KCNA6: variants seen among roughly 807,000 people sequenced by gnomAD.
The protein encoded by KCNA6 is human brain potassium channel-2.
KCNA6 carries 17 observed loss-of-function variants against 29.5 expected under a neutral mutation model. The observed-to-expected ratio is 0.58, with a 90% CI of 0.39 to 0.86. The LOEUF (loss-of-function observed/expected upper bound fraction) is 0.86, where lower values mean the gene tolerates loss of function less well. Ranked by LOEUF, KCNA6 falls within the 40% of genes least tolerant of loss-of-function variation. The probability of loss-of-function intolerance (pLI) is 0.00; values close to 1 mark genes in which losing one functional copy is unlikely to be tolerated. For missense variants in KCNA6, 450 were observed against 703.4 expected, an observed-to-expected ratio of 0.64 and a Z score of 4.07; for synonymous variants, 296 against 304.7, an observed-to-expected ratio of 0.97 and a Z score of 0.30.
downstream of KCNA6, chr12:4,814,319 A>C (rs1014810856): frequency 1.8e-5 from 3 of 167,066 alleles, no homozygotes; most frequent in African/African-American, 7.2e-5. This position sits in a 1 kb window ranked among gnomAD's most constrained non-coding sequence, Gnocchi z 4.6. Flanking sequence ...GCTGGGCCTT[A>C]CCAGGTGTGA....
the KCNA6 span, among the ~76,000 whole-genome samples, chr12:4,833,132 C>T: frequency 5.9e-5 from 9 of 152,204 alleles, no homozygotes; most frequent in Admixed American, 2.6e-4. Flanking sequence ...CTTCAGGATT[C>T]GTAATGCATC....
chr12:4,841,531 A>G, the KCNA6 span, among the ~76,000 whole-genome samples: 4 of 152,228 alleles, frequency 2.6e-5, no homozygotes, highest in African/African-American at 4.8e-5. Flanking sequence ...TTGAATATGT[A>G]TTGAAGTGCA....
the KCNA6 span, among the ~76,000 whole-genome samples, chr12:4,827,717 C>T: frequency 6.6e-6 from 1 of 152,234 alleles, no homozygotes; most frequent in African/African-American, 2.4e-5. Context: ...AAGTGTCTAG[C>T]TCTGCCCTCA....
At position 4,810,746 on chromosome 12, in the gene KCNA6, T is replaced by A. The variant is rs1287359466; in HGVS notation, c.705T>A (p.His235Gln). 1.2e-6 allele frequency: 2 copies of A among 1,608,448 alleles called. No individual in the cohort carries two copies. The highest frequency in any genetic ancestry group is 1.7e-6 in the Non-Finnish European group (2 of 1,177,258). ...ATGAAGACGATTCCTACACATTTCA[T>A]CATGGCATCACCCCTGGGGAAATGG... The change falls in exon 1 of 1, where the codon CAT becomes CAA. Residue 235 changes from histidine to glutamine, a missense_variant. Coordinates refer to ENST00000280684, the Ensembl canonical transcript of KCNA6. This position sits in a 1 kb window ranked among gnomAD's most constrained non-coding sequence, Gnocchi z 7.5.
downstream of KCNA6, chr12:4,814,277 T>A (rs1172972054): frequency 1.2e-5 from 2 of 167,194 alleles, no homozygotes; most frequent in East Asian, 3.9e-4. This position sits in a 1 kb window ranked among gnomAD's most constrained non-coding sequence, Gnocchi z 4.6. Context: ...GGGGAGCCCT[T>A]AGAGGGGACA....
the KCNA6 span, among the ~76,000 whole-genome samples, chr12:4,828,840 T>C: frequency 1.3e-5 from 2 of 152,158 alleles, no homozygotes; most frequent in African/African-American, 4.8e-5. Context: ...AAATGAAGAA[T>C]CCCTGGGGTC....
At chr12:4,820,546 AACACACACAC>A in the KCNA6 span, among the ~76,000 whole-genome samples, 189 of 134,762 alleles carry the variant, frequency 1.4e-3, no homozygotes, top group Non-Finnish European at 2.0e-3. Flanking sequence ...GGATTACCTA[AACACACACAC>A]ACACACACAC....
chr12:4,817,772 A>G (rs1056630707), downstream of KCNA6, among the ~76,000 whole-genome samples: 5 of 152,030 alleles, frequency 3.3e-5, no homozygotes, highest in African/African-American at 1.2e-4. Context: ...TCCAACTCCA[A>G]CCTCATCATT....
the KCNA6 span, among the ~76,000 whole-genome samples, chr12:4,822,735 C>T: frequency 2.0e-5 from 3 of 152,320 alleles, no homozygotes; most frequent in Non-Finnish European, 2.9e-5. Context: ...ACTGAGTGGG[C>T]GTCAGAGTGG....
chr12:4,833,960 CCT>C, the KCNA6 span, among the ~76,000 whole-genome samples: 1 of 145,654 alleles, frequency 6.9e-6, no homozygotes, highest in Admixed American at 6.9e-5. Context: ...ACAGGGTCTT[CCT>C]CTGTCACCCA....
the KCNA6 span, among the ~76,000 whole-genome samples, chr12:4,847,355 T>C: frequency 6.6e-6 from 1 of 152,200 alleles, no homozygotes; most frequent in African/African-American, 2.4e-5. Flanking sequence ...AAAAACTATT[T>C]CTTTAATAAT....
At chr12:4,823,384 G>A in the KCNA6 span, among the ~76,000 whole-genome samples, 2 of 148,618 alleles carry the variant, frequency 1.3e-5, no homozygotes, top group Non-Finnish European at 3.0e-5. Flanking sequence ...GAAATGATGA[G>A]GATTGCTGAT....
the KCNA6 span, among the ~76,000 whole-genome samples, chr12:4,829,415 G>A: frequency 1.3e-5 from 2 of 152,122 alleles, no homozygotes; most frequent in African/African-American, 2.4e-5. Context: ...CTGGCATAAC[G>A]TGTCCACATT....
chr12:4,818,854 A>T, the KCNA6 span, among the ~76,000 whole-genome samples: 6 of 143,034 alleles, frequency 4.2e-5, no homozygotes, highest in Non-Finnish European at 9.5e-5. Flanking sequence ...ACACACACAC[A>T]CACACACACA....
chr12:4,811,557 C>G lies in KCNA6; in HGVS notation c.1516C>G (p.Arg506Gly). 1 of 1,614,228 alleles carries G rather than the reference C, an allele frequency of 6.2e-7. No individual in the cohort carries two copies. The highest frequency in any genetic ancestry group is 1.1e-5 in the South Asian group (1 of 91,084). Residue 506 changes from arginine to glycine, a missense_variant, in exon 1 of 1, where the codon CGG becomes GGG. Around this residue, in one of 7 missense-constraint regions of KCNA6, gnomAD observed 56 missense variants for 65.2 expected, o/e 0.86. Transcript: ENST00000280684. This position sits in a 1 kb window ranked among gnomAD's most constrained non-coding sequence, Gnocchi z 7.1. ...CAAGCCTGACTTCCCCGAGGCTAAC[C>G]GGGAACGGAGACCCAGCTACCTTCC...
At chr12:4,839,672 T>C in the KCNA6 span, among the ~76,000 whole-genome samples, 1 of 152,218 alleles carries the variant, frequency 6.6e-6, no homozygotes, top group Non-Finnish European at 1.5e-5. Flanking sequence ...AAAAGCCACC[T>C]TGTGGAAACA....
At chr12:4,827,204 C>CCTTCCCTCCTTCCTTCCTT in the KCNA6 span, among the ~76,000 whole-genome samples, 1 of 120,390 alleles carries the variant, frequency 8.3e-6, no homozygotes, top group Non-Finnish European at 1.7e-5. Context: ...TTCCTTCCTT[C>CCTTCCCTCCTTCCTTCCTT]CCTCCTTCCT....
the KCNA6 span, among the ~76,000 whole-genome samples, chr12:4,819,548 A>T: frequency 6.6e-6 from 1 of 152,214 alleles, no homozygotes; most frequent in Non-Finnish European, 1.5e-5. Context: ...CGTAGTTGGA[A>T]GAAGCCAGCT....
chr12:4,826,571 C>G, the KCNA6 span, among the ~76,000 whole-genome samples: 1 of 152,224 alleles, frequency 6.6e-6, no homozygotes, highest in African/African-American at 2.4e-5. Flanking sequence ...CTGTGTGACC[C>G]TACACATGTC....
Sources: allele counts gnomAD v4.1 joint callset (sites outside exome capture counted in the v4.1 genomes callset), GRCh38; gene constraint gnomAD v4.1.1; regional missense constraint gnomAD v4.1.1; non-coding constraint Gnocchi (gnomAD v3.1); transcripts MANE v1.5; gene names NCBI Gene and HGNC (gene_info 2026-07-23, HGNC 2026-07-21).